Variants in LRP1B observed in about 807,000 individuals in gnomAD.
LRP1B encodes the protein low-density lipoprotein receptor-related protein 1B.
In LRP1B, 217 loss-of-function variants were observed where a neutral mutation model predicts 556.6. The observed-to-expected ratio is 0.39, with a 90% CI of 0.35 to 0.44. LRP1B has a LOEUF of 0.44. LRP1B is among the 20% of genes least tolerant of loss of function. LRP1B has a pLI of 1.00. For missense variants in LRP1B, 5,053 were observed against 5,620.8 expected (o/e 0.90, Z 3.23); for synonymous variants, 2,047 against 1,865.8 (o/e 1.10, Z -2.50).
intron 66 of LRP1B, among the ~76,000 whole-genome samples, chr2:140,420,276 G>A (rs9678626): frequency 0.011 from 1,633 of 152,050 alleles, 29 homozygotes; most frequent in African/African-American, 0.038. Flanking sequence ...TGTGCAAATA[G>A]CAAATAAGCC....
chr2:142,025,346 G>A (rs893543840), intron 1 of LRP1B, among the ~76,000 whole-genome samples: 4 of 152,082 alleles, frequency 2.6e-5, no homozygotes, highest in East Asian at 1.9e-4. Flanking sequence ...CACACTTACC[G>A]AAAACACTTT....
At chr2:142,046,526 T>G (rs1441534846) in intron 1 of LRP1B, among the ~76,000 whole-genome samples, 1 of 151,880 alleles carries the variant, frequency 6.6e-6, no homozygotes, top group Non-Finnish European at 1.5e-5. Context: ...TGAAACTAAG[T>G]TTGGGGTAAG....
intron 2 of LRP1B, among the ~76,000 whole-genome samples, chr2:141,666,470 C>G (rs1690440195): frequency 6.6e-6 from 1 of 152,188 alleles, no homozygotes; most frequent in Admixed American, 6.5e-5. Flanking sequence ...TCTCCCTCCT[C>G]AGCTTCCTAG....
chr2:140,576,143 A>C (rs1681517155), intron 43 of LRP1B, among the ~76,000 whole-genome samples: 1 of 152,096 alleles, frequency 6.6e-6, no homozygotes, highest in Non-Finnish European at 1.5e-5. Flanking sequence ...CCATCATATT[A>C]TAATAAAGAA....
intron 62 of LRP1B, among the ~76,000 whole-genome samples, chr2:140,454,440 C>T (rs1057313591): frequency 2.6e-4 from 40 of 152,190 alleles, no homozygotes; most frequent in African/African-American, 7.7e-4. Flanking sequence ...CGTGAGCTAC[C>T]GGGCCTGGGC....
chr2:141,543,584 G>T (rs1196295687), intron 2 of LRP1B, among the ~76,000 whole-genome samples: 2 of 151,288 alleles, frequency 1.3e-5, no homozygotes, highest in African/African-American at 4.9e-5. Flanking sequence ...CACAAGCTGG[G>T]TATGGTTGCA....
In LRP1B at chr2:140,657,590, C is replaced by CATACATATAT. The variant is rs1377644367; in HGVS notation, c.6799+42650_6799+42659dup. ...ACACATACATACATATATATACATA[C>CATACATATAT]ATACATATATATACATATATATACA... On this transcript the variant is annotated intron_variant, in intron 41 of 90. Transcript: ENST00000389484. Among the ~76,000 whole-genome samples the CATACATATAT allele has an allele frequency of 2.1e-5, 3 of 141,878 alleles. 1 individual carries two copies. The highest frequency in any genetic ancestry group is 4.4e-4 in the South Asian group (2 of 4,552). The allele number at this position is 141,878 out of a possible 152,430, so 93.1% of individuals were successfully genotyped here. A position where few individuals can be genotyped will look rare whatever the true frequency, so the allele number is the denominator to read the frequency against.
chr2:140,462,831 T>C (rs1687378093), intron 60 of LRP1B, among the ~76,000 whole-genome samples: 1 of 152,194 alleles, frequency 6.6e-6, no homozygotes, highest in Non-Finnish European at 1.5e-5. Context: ...TGGTGCAGAC[T>C]ATCTAGCTTG....
intron 2 of LRP1B, among the ~76,000 whole-genome samples, chr2:141,537,366 A>G (rs16846426): frequency 0.033 from 4,991 of 152,174 alleles, 281 homozygotes; most frequent in African/African-American, 0.11. Context: ...CAAGTAATTT[A>G]TTTTTAATAC....
At chr2:140,788,479 T>C (rs1454707154) in intron 32 of LRP1B, among the ~76,000 whole-genome samples, 1 of 152,162 alleles carries the variant, frequency 6.6e-6, no homozygotes, top group East Asian at 1.9e-4. Context: ...ATATATTACC[T>C]ATAGTAATCA....
chr2:140,395,860 C>T (rs1355570601), intron 66 of LRP1B, among the ~76,000 whole-genome samples: 4 of 152,068 alleles, frequency 2.6e-5, no homozygotes, highest in Non-Finnish European at 5.9e-5. Context: ...TGCCATCTAT[C>T]GCACTTGACT....
intron 1 of LRP1B, among the ~76,000 whole-genome samples, chr2:142,092,313 C>T (rs545923019): frequency 3.6e-5 from 5 of 140,078 alleles, no homozygotes; most frequent in African/African-American, 5.3e-5. Context: ...ACTAAGCCTA[C>T]ATTTTAAAAA....
chr2:142,096,326 A>T lies in LRP1B; in HGVS notation c.82+34322T>A, dbSNP rs145831764. ...TTTTTACAGATGAAGGCAGAAAAGG[A>T]GTTTAAAGTAAACCAAAGCAGAAGT... On this transcript the variant is annotated intron_variant, in intron 1 of 90. Transcript: ENST00000389484. Among the ~76,000 whole-genome samples the T allele has an allele frequency of 7.0e-3, 1,060 of 151,816 alleles. 18 individuals carry two copies. Among genetic ancestry groups the T allele is most frequent in the African/African-American group, 0.024 (1,012 of 41,510 alleles).
At chr2:141,726,451 A>AG (rs1425561189) in intron 2 of LRP1B, among the ~76,000 whole-genome samples, 1 of 151,940 alleles carries the variant, frequency 6.6e-6, no homozygotes, top group East Asian at 1.9e-4. Context: ...TGTGCATTCT[A>AG]GGGGGCATAA....
intron 1 of LRP1B, among the ~76,000 whole-genome samples, chr2:141,896,361 C>A (rs903118985): frequency 2.0e-5 from 3 of 152,094 alleles, no homozygotes; most frequent in African/African-American, 7.2e-5. Flanking sequence ...AACAAATCAA[C>A]AATGACAACT....
Position 141,443,605 on chromosome 2 carries a change from A to G in LRP1B, c.343+36791T>C, listed in dbSNP as rs558567187. Reference sequence around the variant, plus strand: ...TGATCCATCTTGAGTTAATTTTTGTATAAGGTGTAAGGAAGGGGTACAATT... The same window carrying G: ...TGATCCATCTTGAGTTAATTTTTGTGTAAGGTGTAAGGAAGGGGTACAATT... On this transcript the variant is annotated intron_variant, in intron 3 of 90. Coordinates refer to ENST00000389484, the MANE Select transcript of LRP1B (RefSeq NM_018557.3). 3.3e-5 allele frequency among the ~76,000 whole-genome samples: 5 copies of G among 152,224 alleles called. No individual in the cohort carries two copies. The East Asian group carries it at 5.8e-4, about 18-fold the overall frequency.
chr2:140,327,587 C>A (rs1185414129), intron 79 of LRP1B, among the ~76,000 whole-genome samples: 2 of 152,108 alleles, frequency 1.3e-5, no homozygotes, highest in East Asian at 3.9e-4. Flanking sequence ...GGGTTAAAAA[C>A]ATAAAACATG....
At chr2:141,117,288 A>C (rs960575644) in intron 7 of LRP1B, among the ~76,000 whole-genome samples, 8 of 148,306 alleles carry the variant, frequency 5.4e-5, no homozygotes, top group African/African-American at 2.0e-4. Context: ...AGTGTGGTTG[A>C]GTTTAAATAC....
chr2:141,501,135 C>T (rs1208368143), intron 2 of LRP1B, among the ~76,000 whole-genome samples: 1 of 151,968 alleles, frequency 6.6e-6, no homozygotes, highest in African/African-American at 2.4e-5. Flanking sequence ...TCACTTTGTG[C>T]CTTTATTTAT....
Sources: gnomAD v4.1 joint callset for allele counts (sites outside exome capture counted in the v4.1 genomes callset) on GRCh38, gnomAD v4.1.1 for gene constraint, MANE v1.5 for transcripts, NCBI Gene and HGNC (gene_info 2026-07-23, HGNC 2026-07-21) for gene names.